The following HK2 variants were observed in gnomAD, a reference collection of about 807,000 sequenced individuals.
HK2 encodes hexokinase-2.
HK2 carries 42 observed loss-of-function variants against 92.9 expected under a neutral mutation model. The observed-to-expected ratio is 0.45, with a 90% CI of 0.35 to 0.58. HK2 has a LOEUF of 0.58. Ranked by LOEUF, HK2 falls within the 20% of genes least tolerant of loss-of-function variation. HK2 has a pLI of 0.00. For synonymous variants in HK2, 422 were observed against 468.0 expected (o/e 0.90, Z 1.27); for missense variants, 978 against 1,245.1 (o/e 0.79, Z 3.23).
intron 3 of HK2, among the ~76,000 whole-genome samples, chr2:74,870,760 C>A (rs1490200256): frequency 6.6e-6 from 1 of 152,176 alleles, no homozygotes; most frequent in Non-Finnish European, 1.5e-5. Flanking sequence ...GGAGTTGGCT[C>A]ACCTGCACTG....
chr2:74,849,269 A>G (rs932109847), intron 1 of HK2, among the ~76,000 whole-genome samples: 2 of 152,212 alleles, frequency 1.3e-5, no homozygotes, highest in African/African-American at 2.4e-5. Context: ...ACCAACCCCA[A>G]TTCTGTAGAG....
intron 2 of HK2, among the ~76,000 whole-genome samples, chr2:74,862,279 C>A (rs1688848648): frequency 6.6e-6 from 1 of 152,214 alleles, no homozygotes; most frequent in Non-Finnish European, 1.5e-5. Context: ...AATGCCTGGG[C>A]TTTTAAGCAC....
chr2:74,849,586 A>G (rs1325904872), intron 1 of HK2, among the ~76,000 whole-genome samples: 2 of 152,274 alleles, frequency 1.3e-5, no homozygotes, highest in South Asian at 2.1e-4. Flanking sequence ...ACAGAAAGAG[A>G]AGGAATAGTT....
At chr2:74,842,201 G>C (rs1384684048) in intron 1 of HK2, among the ~76,000 whole-genome samples, 1 of 152,180 alleles carries the variant, frequency 6.6e-6, no homozygotes, top group Non-Finnish European at 1.5e-5. Context: ...AATGCTTTAT[G>C]TATTAAGTAT....
At chr2:74,880,157 C>A in intron 9 of HK2, 108 bp from the exon 10 acceptor site, 3 of 1,181,588 alleles carry the variant, frequency 2.5e-6, no homozygotes, top group Non-Finnish European at 3.8e-6. Flanking sequence ...CCCACTCCTG[C>A]AGGTGCCTTT....
At chr2:74,866,425 G>A (rs969681880) in intron 2 of HK2, among the ~76,000 whole-genome samples, 3 of 152,182 alleles carry the variant, frequency 2.0e-5, no homozygotes, top group African/African-American at 4.8e-5. Context: ...GAAGACTGGC[G>A]GTGCTGCTCG....
chr2:74,845,860 C>T (rs1170551729), intron 1 of HK2, among the ~76,000 whole-genome samples: 1 of 152,264 alleles, frequency 6.6e-6, no homozygotes, highest in Non-Finnish European at 1.5e-5. Context: ...TCTGGCCCTG[C>T]CCTGGCAACT....
intron 4 of HK2, among the ~76,000 whole-genome samples, chr2:74,872,659 A>G (rs759724192): frequency 4.6e-5 from 7 of 152,048 alleles, no homozygotes; most frequent in Non-Finnish European, 7.4e-5. Context: ...TATCCCCTCC[A>G]CAGAAACAGG....
At chr2:74,884,744 G>A (rs749515000) in intron 12 of HK2, among the ~76,000 whole-genome samples, 1 of 152,202 alleles carries the variant, frequency 6.6e-6, no homozygotes, top group Non-Finnish European at 1.5e-5. Context: ...AAGCCCTGAG[G>A]CTTGTTTCCT....
Position 74,872,228 on chromosome 2 carries a change from C to G in HK2, c.376-72C>G, listed in dbSNP as rs942253091. On this transcript the variant is annotated intron_variant, in intron 3 of 17. Transcript: ENST00000290573. Reference sequence around the variant, plus strand: ...CACATTCAGCTAGTTACGTGCTGAGCCTGAAGTGCATGCCCTTAATCTCTA... The same window carrying G: ...CACATTCAGCTAGTTACGTGCTGAGGCTGAAGTGCATGCCCTTAATCTCTA... 4.6e-6 allele frequency: 7 copies of G among 1,520,746 alleles called. No homozygotes were observed. The South Asian group carries it at 7.9e-5, about 17-fold the overall frequency. The allele number at this position is 1,520,746 out of a possible 1,614,324, so 94.2% of individuals were successfully genotyped here.
chr2:74,837,672 CTTTTTTTTTTTTTT>C (rs894014535), intron 1 of HK2, among the ~76,000 whole-genome samples: 1 of 104,134 alleles, frequency 9.6e-6, no homozygotes, highest in African/African-American at 3.7e-5. Context: ...TTGCCCTTGT[CTTTTTTTTTTTTTT>C]TTTTTTTTGA....
intron 9 of HK2, among the ~76,000 whole-genome samples, chr2:74,879,173 ACT>A (rs982406210): frequency 1.3e-5 from 2 of 150,978 alleles, no homozygotes; most frequent in African/African-American, 2.4e-5. Context: ...GCTGCTGGAC[ACT>A]CTCTTTGCCA....
At chr2:74,864,567 C>A (rs675611) in intron 2 of HK2, among the ~76,000 whole-genome samples, 1 of 151,810 alleles carries the variant, frequency 6.6e-6, no homozygotes, top group Non-Finnish European at 1.5e-5. Context: ...GGTACAGTGG[C>A]GAGATCTCAG....
intron 12 of HK2, 113 bp downstream of exon 12, chr2:74,882,352 G>A: frequency 6.6e-7 from 1 of 1,521,538 alleles, no homozygotes; most frequent in Non-Finnish European, 9.1e-7. Flanking sequence ...AGGAGGGCGT[G>A]AGTTACCAGT....
At chr2:74,887,787 G>A (rs1230903953) in intron 15 of HK2, 116 bp from the exon 16 acceptor site, 4 of 898,102 alleles carry the variant, frequency 4.5e-6, no homozygotes, top group Non-Finnish European at 7.5e-6. Context: ...TCCCATCAGG[G>A]GAGTCTGCCT....
chr2:74,879,896 C>A (rs1375699561), intron 9 of HK2, among the ~76,000 whole-genome samples: 1 of 152,182 alleles, frequency 6.6e-6, no homozygotes, highest in East Asian at 1.9e-4. Context: ...GCATCAGAAC[C>A]ACCTAATACC....
intron 1 of HK2, among the ~76,000 whole-genome samples, chr2:74,847,413 C>T (rs995364985): frequency 9.9e-5 from 15 of 152,102 alleles, no homozygotes; most frequent in Non-Finnish European, 1.9e-4. Context: ...TGTGGTGGCT[C>T]ATGCTTGTAA....
chr2:74,878,137 C>A (rs1009804449), intron 8 of HK2, among the ~76,000 whole-genome samples: 10 of 152,126 alleles, frequency 6.6e-5, no homozygotes, highest in African/African-American at 2.4e-4. Context: ...TAGCCCCTTA[C>A]CAACCATCTT....
chr2:74,867,564 G>C, intron 2 of HK2, 72 bp from the exon 3 acceptor site: 1 of 1,562,810 alleles, frequency 6.4e-7, no homozygotes, highest in Non-Finnish European at 8.8e-7. Context: ...GAGGGACTTG[G>C]AGTTTTAAGT....
Sources: allele counts gnomAD v4.1 joint callset (sites outside exome capture counted in the v4.1 genomes callset), GRCh38; gene constraint gnomAD v4.1.1; transcripts MANE v1.5; gene names NCBI Gene and HGNC (gene_info 2026-07-23, HGNC 2026-07-21).